The following MTR variants were observed in gnomAD, a reference collection of about 807,000 sequenced individuals.
The protein encoded by MTR is methionine synthase.
Under a neutral mutation model 154.8 loss-of-function variants are expected in MTR, and 84 were observed. The observed-to-expected ratio is 0.54, with a 90% CI of 0.45 to 0.65. MTR has a LOEUF of 0.65. Ranked by LOEUF, MTR falls within the 30% of genes least tolerant of loss-of-function variation. The pLI, the probability that MTR is intolerant of heterozygous loss-of-function variation, is 0.00. For synonymous variants in MTR, 554 were observed against 553.9 expected (o/e 1.00, Z 0.00); for missense variants, 1,275 against 1,570.2 (o/e 0.81, Z 3.18).
Position 236,879,046 on chromosome 1 carries a change from A to T in MTR, c.2595-1709A>T, listed in dbSNP as rs113242981. 4.6e-3 allele frequency among the ~76,000 whole-genome samples: 708 copies of T among 152,372 alleles called. 11 individuals are homozygous for T. Among genetic ancestry groups the T allele is most frequent in the African/African-American group, 0.016 (684 of 41,588 alleles). On this transcript the variant is annotated intron_variant, in intron 24 of 32. Coordinates refer to ENST00000366577, the MANE Select transcript of MTR (RefSeq NM_000254.3). The stretch of plus-strand genomic sequence containing the variant: ...AAGTGTTACTGGTCTTGTCTGTCTT[A>T]TGAGTTTTTAGAGCCTTCCTTGAGA...
At chr1:236,816,749 G>A (rs577128564) in intron 8 of MTR, among the ~76,000 whole-genome samples, 1 of 152,324 alleles carries the variant, frequency 6.6e-6, no homozygotes, top group South Asian at 2.1e-4. Context: ...GGGACTGGGA[G>A]AGTTCTCATA....
intron 21 of MTR, among the ~76,000 whole-genome samples, chr1:236,863,040 C>T (rs1261748410): frequency 6.6e-6 from 1 of 152,176 alleles, no homozygotes; most frequent in African/African-American, 2.4e-5. Context: ...CTCACGTGCC[C>T]TCTGTCTGGG....
chr1:236,800,174 C>T (rs887485767), intron 1 of MTR: 30 of 985,212 alleles, frequency 3.0e-5, no homozygotes, highest in Admixed American at 1.2e-4. Flanking sequence ...TGCACTCGCT[C>T]AGTGGAGGAG....
At chr1:236,829,095 CTT>C in intron 11 of MTR, 92 bp from the exon 12 acceptor site, 1 of 970,680 alleles carries the variant, frequency 1.0e-6, no homozygotes, top group East Asian at 2.7e-5. Context: ...GTTAAATAGA[CTT>C]AATTTTATAG....
chr1:236,902,752 A>G lies in MTR; in HGVS notation c.*5108A>G, dbSNP rs1572362115. 6.6e-6 allele frequency: 1 copy of G among 152,126 alleles called. No homozygotes were observed. Among genetic ancestry groups the G allele is most frequent in the East Asian group, 1.9e-4 (1 of 5,158 alleles). The allele number at this position is 152,126 out of a possible 1,614,324, so 9.4% of individuals were successfully genotyped here. On this transcript the variant is annotated 3_prime_UTR_variant, in exon 33 of 33. Coordinates refer to ENST00000366577, the MANE Select transcript of MTR (RefSeq NM_000254.3). ...ATCAAAGCCCTAGCACCCTCTCTAC[A>G]CCCACCTTCAGTATTTCATATTAGA... is the stretch of plus-strand genomic sequence containing the variant.
chr1:236,847,928 C>G (rs1372888622), intron 15 of MTR, among the ~76,000 whole-genome samples: 2 of 152,294 alleles, frequency 1.3e-5, no homozygotes, highest in African/African-American at 4.8e-5. Context: ...TGTCCCACAG[C>G]CCTGGTGAGG....
At chr1:236,804,309 C>T (rs1396176894) in intron 2 of MTR, among the ~76,000 whole-genome samples, 2 of 152,166 alleles carry the variant, frequency 1.3e-5, no homozygotes, top group Admixed American at 6.5e-5. Flanking sequence ...GGCTCAAGGG[C>T]GCTTATTCAC....
chr1:236,829,379 G>T (rs1312596017), intron 12 of MTR, 111 bp downstream of exon 12: 5 of 903,358 alleles, frequency 5.5e-6, no homozygotes, highest in Non-Finnish European at 9.3e-6. Flanking sequence ...GGTCGAAGAA[G>T]AATCCATATA....
In MTR at chr1:236,832,097, C is replaced by T. The variant is rs375931793; in HGVS notation, c.1188+19C>T. ...CTATGAAGTGAGCATCTTAATAAGA[C>T]CCCTGAGGCATCTGCCCATGTCTTT... On this transcript the variant is annotated intron_variant, in intron 13 of 32. Coordinates refer to ENST00000366577, the MANE Select transcript of MTR (RefSeq NM_000254.3). 3.1e-5 allele frequency: 48 copies of T among 1,571,398 alleles called. No individual in the cohort carries two copies. The highest frequency in any genetic ancestry group is 3.9e-5 in the Non-Finnish European group (45 of 1,141,268).
chr1:236,859,762 G>T (rs1664410944), intron 18 of MTR, 71 bp from the exon 19 acceptor site: 2 of 1,226,886 alleles, frequency 1.6e-6, no homozygotes, highest in Admixed American at 3.4e-5. Context: ...TTGTTTGTTT[G>T]TTTGTTTTGC....
Position 236,816,538 on chromosome 1 carries a change from A to C in MTR, c.759A>C (p.Pro253=), listed in dbSNP as rs752365220. 18 of 1,613,244 alleles carry C rather than the reference A, an allele frequency of 1.1e-5. No homozygotes were observed. In the African/African-American group the frequency reaches 1.3e-4, roughly 12 times the overall value. The part of the protein sequence containing the change: ...GFVISVSHGE[P]LCIGLNCALG... ...TCATCAGCGTGTCTCATGGAGAACC[A>C]CTCTGGTGAGTGATCCATCTTTCTG... Residue 253 remains proline, a synonymous_variant, in exon 8 of 33, where the codon CCA becomes CCC. Coordinates refer to ENST00000366577, the MANE Select transcript of MTR (RefSeq NM_000254.3).
intron 15 of MTR, among the ~76,000 whole-genome samples, chr1:236,840,010 G>A (rs549824238): frequency 6.6e-6 from 1 of 152,292 alleles, no homozygotes; most frequent in South Asian, 2.1e-4. Context: ...ACTGGGTGGG[G>A]TAGGGATGAT....
At chr1:236,828,042 A>T (rs938037192) in intron 11 of MTR, among the ~76,000 whole-genome samples, 6 of 152,020 alleles carry the variant, frequency 3.9e-5, no homozygotes, top group African/African-American at 1.5e-4. Context: ...CAGTGGTGCG[A>T]TCTCGGCTCA....
At chr1:236,849,148 T>A (rs190924326) in intron 15 of MTR, among the ~76,000 whole-genome samples, 20 of 152,324 alleles carry the variant, frequency 1.3e-4, no homozygotes, top group Non-Finnish European at 2.2e-4. Flanking sequence ...GTGAATACCC[T>A]GTGTTGAGGT....
Position 236,895,377 on chromosome 1 carries a change from A to T in MTR, c.3425A>T (p.His1142Leu). 6.2e-7 allele frequency: 1 copy of T among 1,601,720 alleles called. No homozygotes were observed. Among genetic ancestry groups the T allele is most frequent in the Non-Finnish European group, 8.5e-7 (1 of 1,173,660 alleles). ...CCCAAGGCCTTTGCAGAAGAGCTCC[A>T]TGAAAGAGTTCGCCGAGAACTGTGG... is the stretch of plus-strand genomic sequence containing the variant. ...RLAEAFAEEL[H>L]ERVRRELWAY... The change falls in exon 31 of 33, where the codon CAT becomes CTT. Residue 1142 changes from histidine (H) to leucine (L), a missense_variant. Physicochemically the swap from His to Leu is moderately conservative, Grantham distance 99. Transcript: ENST00000366577.
chr1:236,817,722 C>T (rs2103066965), intron 8 of MTR, among the ~76,000 whole-genome samples: 2 of 152,206 alleles, frequency 1.3e-5, no homozygotes, highest in Middle Eastern at 6.8e-3. Context: ...TTTTTTCACA[C>T]TTAAATGTTT....
At chr1:236,814,908 G>A (rs1661499978) in intron 6 of MTR, among the ~76,000 whole-genome samples, 1 of 152,176 alleles carries the variant, frequency 6.6e-6, no homozygotes, top group South Asian at 2.1e-4. Context: ...TCACAGGAAA[G>A]ATGCACATTA....
At position 236,900,391 on chromosome 1, in the gene MTR, A is replaced by G. The variant is rs1666867100; in HGVS notation, c.*2747A>G. On this transcript the variant is annotated 3_prime_UTR_variant, in exon 33 of 33. Transcript: ENST00000366577. The stretch of plus-strand genomic sequence containing the variant: ...GAATATGTAGTCTAAGCATACGTAT[A>G]CAATAAAACTATGCTATTAAAAAAA... The G allele has an allele frequency of 7.9e-6, 1 of 127,332 alleles. No individual in the cohort carries two copies. The highest frequency in any genetic ancestry group is 2.5e-4 in the South Asian group (1 of 4,024). 7.9% of individuals were successfully genotyped at this position (127,332 alleles called of 1,614,324 possible).
Position 236,805,486 on chromosome 1 carries a change from G to A in MTR, c.250-658G>A, listed in dbSNP as rs969656510. ...AGACATTTGATGCATTATCTTTTTGGTGTTGTTTTTTTGAGACAAGGTCTC... is the reference window on the plus strand; with the variant it reads ...AGACATTTGATGCATTATCTTTTTGATGTTGTTTTTTTGAGACAAGGTCTC... On this transcript the variant is annotated intron_variant, in intron 2 of 32. Coordinates refer to ENST00000366577, the MANE Select transcript of MTR (RefSeq NM_000254.3). Among the ~76,000 whole-genome samples the A allele has an allele frequency of 4.6e-5, 7 of 152,208 alleles. No homozygotes were observed. The East Asian group carries it at 1.4e-3, about 29-fold the overall frequency.
Sources: allele counts gnomAD v4.1 joint callset (sites outside exome capture counted in the v4.1 genomes callset), GRCh38; gene constraint gnomAD v4.1.1; transcripts MANE v1.5; gene names NCBI Gene and HGNC (gene_info 2026-07-23, HGNC 2026-07-21).